The following PCDH11Y variants were observed in gnomAD, a reference collection of about 807,000 sequenced individuals.
PCDH11Y encodes protocadherin-11 Y-linked.
For synonymous variants in PCDH11Y, 9 were observed against 83.6 expected, an observed-to-expected ratio of 0.11 and a Z score of 4.87; for missense variants, 12 against 224.8, an observed-to-expected ratio of 0.05 and a Z score of 6.05.
intron 2 of PCDH11Y, among the ~76,000 whole-genome samples, chrY:5,393,343 GTGGGATTACAAACAT>G (rs2053223067): frequency 4.6e-5 from 1 of 21,705 alleles, no homozygotes; most frequent in Non-Finnish European, 1.0e-4. Flanking sequence ...TCCCAAAGTG[GTGGGATTACAAACAT>G]GAGCCACCAC....
At chrY:5,319,050 G>A in intron 2 of PCDH11Y, among the ~76,000 whole-genome samples, 1 of 32,559 alleles carries the variant, frequency 3.1e-5, no homozygotes. Flanking sequence ...TATCTTTGAG[G>A]ATATACAGGT....
intron 2 of PCDH11Y, among the ~76,000 whole-genome samples, chrY:5,487,186 TA>T (rs2053334277): frequency 9.4e-5 from 3 of 31,855 alleles, no homozygotes; most frequent in African/African-American, 3.7e-4. Flanking sequence ...TGACTTTTAA[TA>T]TTTTTTTTTG....
At chrY:5,595,278 A>G (rs2053466318) in intron 4 of PCDH11Y, among the ~76,000 whole-genome samples, 1 of 26,860 alleles carries the variant, frequency 3.7e-5, no homozygotes, top group East Asian at 9.7e-4. Flanking sequence ...CTAGTTGGCC[A>G]TCTTGCTCAG....
At position 5,082,627 on chromosome Y, in the gene PCDH11Y, C is replaced by T. The variant is rs369137005; in HGVS notation, c.637-15588C>T. 5.2e-3 allele frequency among the ~76,000 whole-genome samples: 173 copies of T among 33,190 alleles called. No individual in the cohort carries two copies. The East Asian group carries it at 0.13, about 24-fold the overall frequency. 89.0% of individuals were successfully genotyped at this position (33,190 alleles called of 37,273 possible). The stretch of plus-strand genomic sequence containing the variant: ...TCAGTTTTGGGAGGGTGTATATTTC[C>T]AGGAACTTATCGATTTCTTCTAGAT... On this transcript the variant is annotated intron_variant, in intron 1 of 1. Coordinates refer to ENST00000215473, the Ensembl canonical transcript of PCDH11Y.
chrY:5,413,357 T>C, intron 2 of PCDH11Y, among the ~76,000 whole-genome samples: 1 of 33,813 alleles, frequency 3.0e-5, no homozygotes, highest in East Asian at 8.2e-4. Flanking sequence ...TGCTAAATCA[T>C]GGAGGTTTGG....
At chrY:5,367,364 CTTTTTTTTTTTTTTTTT>C (rs1442640625) in intron 2 of PCDH11Y, among the ~76,000 whole-genome samples, 2 of 4,590 alleles carry the variant, frequency 4.4e-4, no homozygotes, top group Admixed American at 4.3e-3. Flanking sequence ...TGGTTCTAAT[CTTTTTTTTTTTTTTTTT>C]TTTTTTTTTT....
At chrY:5,569,901 T>C in intron 3 of PCDH11Y, among the ~76,000 whole-genome samples, 1 of 32,887 alleles carries the variant, frequency 3.0e-5, no homozygotes, top group African/African-American at 1.2e-4. Context: ...AGAATCAAAT[T>C]ATAGTGTATT....
At chrY:5,067,828 T>C (rs2052689843) in intron 1 of PCDH11Y, among the ~76,000 whole-genome samples, 1 of 30,314 alleles carries the variant, frequency 3.3e-5, no homozygotes, top group African/African-American at 1.3e-4. Flanking sequence ...CTGGCTAACC[T>C]GGTGAAACCA....
chrY:5,727,506 G>A, intron 4 of PCDH11Y, among the ~76,000 whole-genome samples: 3 of 32,201 alleles, frequency 9.3e-5, no homozygotes, highest in Admixed American at 8.6e-4. Context: ...TTGTATTATC[G>A]TTTATCCTAT....
At chrY:5,567,878 T>C in intron 3 of PCDH11Y, among the ~76,000 whole-genome samples, 1 of 31,965 alleles carries the variant, frequency 3.1e-5, no homozygotes, top group Non-Finnish European at 7.6e-5. Context: ...TGAAACATAC[T>C]AAATAATCAA....
upstream of PCDH11Y, among the ~76,000 whole-genome samples, chrY:5,055,630 AG>A (rs2052659623): frequency 3.0e-5 from 1 of 33,069 alleles, no homozygotes; most frequent in Non-Finnish European, 7.5e-5. Flanking sequence ...AGAGATTAAA[AG>A]ATATTTAATA....
chrY:5,153,173 C>T (rs2052865405), intron 2 of PCDH11Y, among the ~76,000 whole-genome samples: 1 of 32,906 alleles, frequency 3.0e-5, no homozygotes, highest in Non-Finnish European at 7.6e-5. Context: ...AAATTAACTT[C>T]GTGGCAGATA....
chrY:5,393,832 A>G (rs2053224254), intron 2 of PCDH11Y, among the ~76,000 whole-genome samples: 1 of 30,501 alleles, frequency 3.3e-5, no homozygotes, highest in Non-Finnish European at 7.8e-5. Context: ...TTAGTTTTCC[A>G]TTGTTTACTA....
At chrY:5,194,041 TAAA>T (rs2052915641) in intron 2 of PCDH11Y, among the ~76,000 whole-genome samples, 1 of 32,076 alleles carries the variant, frequency 3.1e-5, no homozygotes, top group African/African-American at 1.2e-4. Context: ...CTTGTTAGAT[TAAA>T]AAAAAAGTGA....
At chrY:5,293,659 C>T in intron 2 of PCDH11Y, among the ~76,000 whole-genome samples, 5 of 30,890 alleles carry the variant, frequency 1.6e-4, no homozygotes, top group African/African-American at 5.1e-4. Context: ...ATCCTGAAAG[C>T]GGGGTGAAGT....
At chrY:5,022,192 A>T in intron 1 of PCDH11Y, among the ~76,000 whole-genome samples, 2 of 33,109 alleles carry the variant, frequency 6.0e-5, no homozygotes, top group African/African-American at 2.4e-4. Context: ...CCAAAGGCAA[A>T]TTAACCCTGT....
At chrY:5,548,602 C>T (rs1602941676) in intron 3 of PCDH11Y, among the ~76,000 whole-genome samples, 151 of 31,834 alleles carry the variant, frequency 4.7e-3, no homozygotes, top group Admixed American at 0.015. Flanking sequence ...GAAGATCATC[C>T]CCAAGAAACA....
chrY:5,322,668 T>C (rs2053114441), intron 2 of PCDH11Y, among the ~76,000 whole-genome samples: 3 of 32,654 alleles, frequency 9.2e-5, no homozygotes, highest in Non-Finnish European at 1.5e-4. Context: ...ATGAATATTT[T>C]AGGGAAAAAA....
At chrY:5,676,716 A>G in intron 4 of PCDH11Y, among the ~76,000 whole-genome samples, 1 of 32,841 alleles carries the variant, frequency 3.0e-5, no homozygotes, top group Non-Finnish European at 7.4e-5. Flanking sequence ...TTTTTTCTCC[A>G]TTTGAAACCA....
Sources: allele counts gnomAD v4.1 joint callset (sites outside exome capture counted in the v4.1 genomes callset), GRCh38; gene constraint gnomAD v4.1.1; transcripts MANE v1.5; gene names NCBI Gene and HGNC (gene_info 2026-07-23, HGNC 2026-07-21).